The following BCAS1 variants were observed in gnomAD, a reference collection of about 807,000 sequenced individuals.
BCAS1 encodes the protein breast carcinoma-amplified sequence 1.
BCAS1 carries 46 observed loss-of-function variants against 65.4 expected under a neutral mutation model. The ratio of observed to expected loss-of-function variants is 0.70; its 90% CI spans 0.55 to 0.90. The LOEUF is 0.90. BCAS1 is among the 40% of genes least tolerant of loss of function. BCAS1 has a pLI of 0.00. For missense variants in BCAS1, 793 were observed against 771.2 expected, an observed-to-expected ratio of 1.03 and a Z score of -0.33; for synonymous variants, 298 against 293.5, an observed-to-expected ratio of 1.02 and a Z score of -0.16.
chr20:53,968,556 G>A (rs2090099105), intron 9 of BCAS1, among the ~76,000 whole-genome samples: 1 of 152,188 alleles, frequency 6.6e-6, no homozygotes, highest in Non-Finnish European at 1.5e-5. Context: ...TTGCCCATCA[G>A]TAAATCAGCA....
intron 1 of BCAS1, among the ~76,000 whole-genome samples, chr20:54,066,356 G>A (rs1021477224): frequency 3.3e-5 from 5 of 152,208 alleles, no homozygotes; most frequent in Admixed American, 6.5e-5. Flanking sequence ...ACAGGCGTGA[G>A]CCACCGGGCC....
chr20:54,050,625 G>A lies in BCAS1; in HGVS notation c.142+7460C>T, dbSNP rs114065160. Reference sequence around the variant, plus strand: ...GAATGGGATGCGCTTAGCTCTTAATGCATTACCTCGTCTAGTCCTGGATGT... The same window carrying A: ...GAATGGGATGCGCTTAGCTCTTAATACATTACCTCGTCTAGTCCTGGATGT... On this transcript the variant is annotated intron_variant, in intron 3 of 12. Transcript: ENST00000688948. Among the ~76,000 whole-genome samples, 1,002 of 152,290 alleles carry A rather than the reference G, an allele frequency of 6.6e-3. 9 individuals are homozygous for A. Among genetic ancestry groups the A allele is most frequent in the African/African-American group, 0.023 (937 of 41,558 alleles).
At chr20:54,014,301 T>A (rs1251234779) in intron 4 of BCAS1, among the ~76,000 whole-genome samples, 1 of 152,244 alleles carries the variant, frequency 6.6e-6, no homozygotes, top group Non-Finnish European at 1.5e-5. Flanking sequence ...GAAGTTTATA[T>A]ATATTTTCTT....
intron 1 of BCAS1, among the ~76,000 whole-genome samples, chr20:54,067,414 A>G (rs895621491): frequency 6.6e-6 from 1 of 152,230 alleles, no homozygotes; most frequent in African/African-American, 2.4e-5. Flanking sequence ...AGGATTGAAC[A>G]ATTGAAGGGT....
chr20:53,972,208 A>G (rs1315612304), intron 9 of BCAS1, among the ~76,000 whole-genome samples: 1 of 152,224 alleles, frequency 6.6e-6, no homozygotes, highest in African/African-American at 2.4e-5. Context: ...ATCATATCTA[A>G]TTGTCCTGTT....
At chr20:53,995,828 T>C in intron 5 of BCAS1, 64 bp downstream of exon 5, 1 of 1,470,292 alleles carries the variant, frequency 6.8e-7, no homozygotes, top group Non-Finnish European at 9.2e-7. Context: ...ATGTGCATTA[T>C]TCTTAGAATT....
intron 4 of BCAS1, among the ~76,000 whole-genome samples, chr20:54,011,126 T>C (rs1176274007): frequency 6.6e-6 from 1 of 150,546 alleles, no homozygotes; most frequent in African/African-American, 2.4e-5. Context: ...ATATAAAACT[T>C]TTAGGAAAAA....
chr20:53,959,609 G>T (rs2089814061), intron 10 of BCAS1, among the ~76,000 whole-genome samples: 1 of 152,118 alleles, frequency 6.6e-6, no homozygotes, highest in South Asian at 2.1e-4. Context: ...TGTTGCCCAG[G>T]TTGGTCTCGA....
intron 10 of BCAS1, among the ~76,000 whole-genome samples, chr20:53,962,891 C>T (rs1486595036): frequency 1.3e-5 from 2 of 152,090 alleles, no homozygotes; most frequent in East Asian, 1.9e-4. Flanking sequence ...CGCTCTGTCG[C>T]CCAGGCTGGA....
chr20:53,983,466 G>T (rs208367), intron 8 of BCAS1, among the ~76,000 whole-genome samples: 59,847 of 152,094 alleles, frequency 0.39, 13,022 homozygotes, highest in East Asian at 0.62. Flanking sequence ...CAAAGTCAGA[G>T]CTGTCTGATT....
At chr20:54,017,402 T>TTCTC (rs1001875365) in intron 4 of BCAS1, among the ~76,000 whole-genome samples, 1 of 130,028 alleles carries the variant, frequency 7.7e-6, no homozygotes, top group Admixed American at 7.8e-5. Context: ...TTCTTTTCTT[T>TTCTC]TTTTTTTTTT....
At chr20:54,029,323 G>C in intron 3 of BCAS1, 1 of 745,468 alleles carries the variant, frequency 1.3e-6, no homozygotes, top group Non-Finnish European at 1.6e-6. Flanking sequence ...ACAGCAGTTA[G>C]GAGCTTGGGT....
chr20:54,037,925 A>G (rs2091926736), intron 3 of BCAS1, among the ~76,000 whole-genome samples: 1 of 151,426 alleles, frequency 6.6e-6, no homozygotes, highest in East Asian at 1.9e-4. Context: ...AGAGGGGGAA[A>G]AAAACCCTGT....
At chr20:53,973,508 T>G (rs1328925524) in intron 9 of BCAS1, among the ~76,000 whole-genome samples, 1 of 152,224 alleles carries the variant, frequency 6.6e-6, no homozygotes, top group Non-Finnish European at 1.5e-5. Context: ...AGATCAACTC[T>G]GCATTTTAGC....
At chr20:53,971,998 A>G (rs2090191990) in intron 9 of BCAS1, among the ~76,000 whole-genome samples, 1 of 152,228 alleles carries the variant, frequency 6.6e-6, no homozygotes, top group Non-Finnish European at 1.5e-5. Flanking sequence ...ACAGGCTTCA[A>G]AATCCTTATT....
intron 12 of BCAS1, among the ~76,000 whole-genome samples, chr20:53,947,142 G>T (rs1249434077): frequency 1.3e-5 from 2 of 152,064 alleles, no homozygotes; most frequent in Non-Finnish European, 2.9e-5. Flanking sequence ...TTCCTAGCTG[G>T]GTGACTTTGG....
At chr20:54,070,226 A>G (rs1460094145) in intron 1 of BCAS1, among the ~76,000 whole-genome samples, 1 of 152,174 alleles carries the variant, frequency 6.6e-6, no homozygotes, top group East Asian at 1.9e-4. Context: ...GCTCCTTGTA[A>G]AACTAAAAAC....
rs527810728 is a variant in BCAS1, at chr20:53,986,871, C to T, written c.1063-1372G>A. 2.0e-5 allele frequency among the ~76,000 whole-genome samples: 3 copies of T among 152,228 alleles called. No homozygotes were observed. The East Asian group carries it at 5.8e-4, about 29-fold the overall frequency. ...TGCCACTGTACTCCAGCCTAGGCAA[C>T]AGAACAAGACACCATCTCAAAAAAA... is the stretch of plus-strand genomic sequence containing the variant. On this transcript the variant is annotated intron_variant, in intron 7 of 12. Transcript: ENST00000688948.
chr20:53,993,467 G>T (rs6013861), intron 6 of BCAS1, among the ~76,000 whole-genome samples: 49,753 of 152,046 alleles, frequency 0.33, 9,110 homozygotes, highest in African/African-American at 0.5. Context: ...CACAAAACCC[G>T]CTTTTGAGAC....
Sources: gnomAD v4.1 joint callset for allele counts (sites outside exome capture counted in the v4.1 genomes callset) on GRCh38, gnomAD v4.1.1 for gene constraint, MANE v1.5 for transcripts, NCBI Gene and HGNC (gene_info 2026-07-23, HGNC 2026-07-21) for gene names.